DNAH6: variants seen among roughly 807,000 people sequenced by gnomAD.
DNAH6 encodes the protein dynein axonemal heavy chain 6.
Under a neutral mutation model 491.4 loss-of-function variants are expected in DNAH6, and 340 were observed. That is an observed-to-expected ratio of 0.69 (90% CI 0.63 to 0.76). The LOEUF is 0.76. Among genes scored for constraint, DNAH6 ranks in the 30% least tolerant of loss-of-function variants. The pLI, the probability that DNAH6 is intolerant of heterozygous loss-of-function variation, is 0.00. For synonymous variants in DNAH6, 1,603 were observed against 1,686.1 expected (o/e 0.95, Z 1.21); for missense variants, 4,443 against 4,972.2 (o/e 0.89, Z 3.20).
rs182313106 is a variant in DNAH6 at position 84,610,295 on chromosome 2, A to C, written c.3295-1379A>C. On this transcript the variant is annotated intron_variant, in intron 21 of 76. Coordinates refer to ENST00000389394, the MANE Select transcript of DNAH6 (RefSeq NM_001370.2). ...GAAGAAAAAGGATCCTAGCAAGATG[A>C]CTATTACAGTCTTATATAACATAAA... 2.1e-3 allele frequency among the ~76,000 whole-genome samples: 318 copies of C among 152,250 alleles called. 2 individuals are homozygous for C. Among genetic ancestry groups the C allele is most frequent in the African/African-American group, 7.4e-3 (306 of 41,564 alleles).
At chr2:84,650,861 A>G (rs537738860) in intron 33 of DNAH6, among the ~76,000 whole-genome samples, 1 of 152,274 alleles carries the variant, frequency 6.6e-6, no homozygotes, top group South Asian at 2.1e-4. Flanking sequence ...AAACCTACTT[A>G]TCTGAGGTAT....
rs1200554622 is a variant in DNAH6 at position 84,812,479 on chromosome 2, C to T, written c.11878C>T (p.Leu3960=). ...CACAGCCTACCCATCCCTGAAGCCA[C>T]TAGGATCATGGGTCAAAGACCTTAT... The part of the protein sequence containing the change: ...SNTAYPSLKP[L]GSWVKDLILR... The change falls in exon 73 of 77, where the codon CTA becomes TTA. Residue 3960 remains leucine, a synonymous_variant. Coordinates refer to ENST00000389394, the MANE Select transcript of DNAH6 (RefSeq NM_001370.2). 1 of 1,551,654 alleles carries T rather than the reference C, an allele frequency of 6.4e-7. No homozygotes were observed. Among genetic ancestry groups the T allele is most frequent in the East Asian group, 2.4e-5 (1 of 40,932 alleles).
intron 20 of DNAH6, 59 bp downstream of exon 20, chr2:84,605,651 ATCT>A (rs911076827): frequency 5.4e-6 from 6 of 1,109,372 alleles, no homozygotes; most frequent in African/African-American, 4.7e-5. Context: ...CTAGTCTTAA[ATCT>A]TCTGTGAGAG....
At chr2:84,663,654 C>T (rs530428079) in intron 37 of DNAH6, among the ~76,000 whole-genome samples, 1 of 152,224 alleles carries the variant, frequency 6.6e-6, no homozygotes, top group African/African-American at 2.4e-5. Context: ...GAGAATGGAA[C>T]CAAGTTGGAA....
chr2:84,677,908 A>T (rs775438351), intron 41 of DNAH6, among the ~76,000 whole-genome samples: 5 of 152,192 alleles, frequency 3.3e-5, no homozygotes, highest in African/African-American at 1.2e-4. Flanking sequence ...GGAAATGGTA[A>T]GGTGGGCACA....
In DNAH6 at chr2:84,709,346, A is replaced by G; in HGVS notation, c.9052A>G (p.Ile3018Val). ...AFTAQYRQSL[I>V]ECWIQDCQSL... is the part of the protein sequence containing the mutation. ...GTAAGCTTTCCCCCTTCTACAGCTT[A>G]TAGAGTGTTGGATCCAGGACTGTCA... Residue 3018 changes from isoleucine to valine, a missense_variant, in exon 55 of 77, where the codon ATA (isoleucine) becomes GTA (valine). This residue lies in a region of DNAH6 where 1,463 missense variants were observed against 1,656.6 expected (regional missense o/e 0.88). Transcript: ENST00000389394. The G allele has an allele frequency of 7.7e-6, 12 of 1,551,628 alleles. No homozygotes were observed. Among genetic ancestry groups the G allele is most frequent in the Admixed American group, 2.0e-5 (1 of 51,000 alleles).
At chr2:84,479,905 G>A in the DNAH6 span, among the ~76,000 whole-genome samples, 43 of 152,328 alleles carry the variant, frequency 2.8e-4, no homozygotes, top group African/African-American at 7.2e-4. Flanking sequence ...CAGCATTTTC[G>A]TGGCTTAAGG....
rs910550957 is a variant in DNAH6 at position 84,763,132 on chromosome 2, T to G, written c.10703+187T>G. 2.6e-5 allele frequency among the ~76,000 whole-genome samples: 4 copies of G among 152,356 alleles called. No individual in the cohort carries two copies. In the Middle Eastern group the frequency reaches 0.01, roughly 389 times the overall value. ...GGGTCAAAAGTCATAAACGTAGCTG[T>G]AAATTTTATTTAAGCAAAGGAGAAA... On this transcript the variant is annotated intron_variant, in intron 64 of 76. Coordinates refer to ENST00000389394, the MANE Select transcript of DNAH6 (RefSeq NM_001370.2).
At chr2:84,817,422 G>A (rs1027382858) in intron 76 of DNAH6, among the ~76,000 whole-genome samples, 24 of 152,136 alleles carry the variant, frequency 1.6e-4, no homozygotes, top group Admixed American at 6.5e-5. Context: ...AGACAGTTTT[G>A]AACATACAGA....
At chr2:84,627,591 CT>C (rs1464162625) in intron 29 of DNAH6, among the ~76,000 whole-genome samples, 2 of 152,128 alleles carry the variant, frequency 1.3e-5, no homozygotes, top group African/African-American at 4.8e-5. Flanking sequence ...AGGATTTTCT[CT>C]TGATCCTCGG....
chr2:84,468,932 G>A, the DNAH6 span, among the ~76,000 whole-genome samples: 3 of 152,082 alleles, frequency 2.0e-5, no homozygotes, highest in African/African-American at 4.8e-5. Flanking sequence ...GACTTCATCC[G>A]GTTTTTTTGT....
At chr2:84,589,730 A>G (rs868758940) in intron 16 of DNAH6, among the ~76,000 whole-genome samples, 15 of 151,662 alleles carry the variant, frequency 9.9e-5, no homozygotes, top group Middle Eastern at 6.8e-3. Flanking sequence ...AAAAAAAAAA[A>G]AGAAAGGTAT....
At chr2:84,639,715 T>C (rs1052740752) in intron 31 of DNAH6, among the ~76,000 whole-genome samples, 1 of 152,112 alleles carries the variant, frequency 6.6e-6, no homozygotes. Context: ...CCACTGCACC[T>C]GGCCTGTTAG....
At chr2:84,686,680 C>T (rs1694290881) in intron 44 of DNAH6, 123 bp downstream of exon 44, 1 of 605,976 alleles carries the variant, frequency 1.7e-6, no homozygotes, top group Non-Finnish European at 2.8e-6. Context: ...GGCCAGATGT[C>T]AGCAAACTAT....
chr2:84,805,902 T>A, intron 71 of DNAH6, 108 bp downstream of exon 71: 1 of 990,984 alleles, frequency 1.0e-6, no homozygotes, highest in South Asian at 2.3e-5. Flanking sequence ...AGACTTTTTT[T>A]AACCTAAAGA....
intron 21 of DNAH6, among the ~76,000 whole-genome samples, chr2:84,608,193 T>G (rs1685961613): frequency 1.5e-5 from 2 of 135,702 alleles, no homozygotes; most frequent in Non-Finnish European, 3.3e-5. Context: ...TCTTGCTATT[T>G]CCACCATATC....
chr2:84,605,005 T>C (rs1035090510), intron 19 of DNAH6, among the ~76,000 whole-genome samples: 6 of 152,254 alleles, frequency 3.9e-5, no homozygotes, highest in South Asian at 2.1e-4. Flanking sequence ...GTCAATCAAA[T>C]AAAATTAAGC....
chr2:84,732,655 G>A (rs891066682), intron 61 of DNAH6, among the ~76,000 whole-genome samples: 2 of 152,118 alleles, frequency 1.3e-5, no homozygotes, highest in Non-Finnish European at 2.9e-5. Context: ...ATAGCTAAGG[G>A]GTACACGGTA....
At chr2:84,627,107 C>T (rs1253801221) in intron 29 of DNAH6, among the ~76,000 whole-genome samples, 3 of 152,174 alleles carry the variant, frequency 2.0e-5, no homozygotes, top group Non-Finnish European at 2.9e-5. Context: ...ATTAGCATCA[C>T]CTGACAACTT....
Sources: allele counts gnomAD v4.1 joint callset (sites outside exome capture counted in the v4.1 genomes callset), GRCh38; gene constraint gnomAD v4.1.1; regional missense constraint gnomAD v4.1.1; transcripts MANE v1.5; gene names NCBI Gene and HGNC (gene_info 2026-07-23, HGNC 2026-07-21).